The following ZNF100 variants were observed in gnomAD, a reference collection of about 807,000 sequenced individuals.
ZNF100 encodes the protein zinc finger protein 100 (Y1).
In ZNF100, 12 loss-of-function variants were observed where a neutral mutation model predicts 15.8. The observed-to-expected ratio is 0.76, with a 90% CI of 0.49 to 1.23. The LOEUF (loss-of-function observed/expected upper bound fraction) is 1.23, where lower values mean the gene tolerates loss of function less well. Among genes scored for constraint, ZNF100 ranks in the 50% most tolerant of loss-of-function variants. The pLI is 0.00. For missense variants in ZNF100, 670 were observed against 635.6 expected (o/e 1.05, Z -0.58); for synonymous variants, 226 against 214.8 (o/e 1.05, Z -0.45).
chr19:21,753,081 T>C (rs2036336697), intron 2 of ZNF100: 1 of 152,226 alleles, frequency 6.6e-6, no homozygotes, highest in Non-Finnish European at 1.5e-5. Context: ...TTAAAAGCTT[T>C]ATATTCAAAA....
intron 3 of ZNF100, 69 bp from the exon 4 acceptor site, chr19:21,744,184 T>A: frequency 7.6e-7 from 1 of 1,315,428 alleles, no homozygotes; most frequent in Non-Finnish European, 1.0e-6. Context: ...CTATGCTTAG[T>A]AAAGAGGAGG....
chr19:21,727,632 T>A lies in ZNF100; in HGVS notation c.680A>T (p.His227Leu). The change falls in exon 5 of 5, where the codon CAT (histidine) becomes CTT (leucine). Residue 227 changes from histidine (H) to leucine (L), a missense_variant. His to Leu is a moderately conservative substitution (Grantham distance 99, BLOSUM62 -3). Coordinates refer to ENST00000358296, the MANE Select transcript of ZNF100 (RefSeq NM_173531.4). ...LLHLTQHKRF[H>L]ITENSYQCKD... ...ACATTGGTAGGAATTCTCTGTAATATGAAATCTTTTATGTTGAGTTAGGTG... is the reference window on the plus strand; with the variant it reads ...ACATTGGTAGGAATTCTCTGTAATAAGAAATCTTTTATGTTGAGTTAGGTG... 2 of 1,611,922 alleles carry A rather than the reference T, an allele frequency of 1.2e-6. No homozygotes were observed. Among genetic ancestry groups the A allele is most frequent in the Non-Finnish European group, 8.5e-7 (1 of 1,179,282 alleles).
At position 21,755,726 on chromosome 19, in the gene ZNF100, T is replaced by C. The variant is rs749524919; in HGVS notation, c.96+9968A>G. Reference sequence around the variant, plus strand: ...GACTGGATAAAGAAAATGTGGTACATATAAGCCATGGAATACTATGCAGCC... The same window carrying C: ...GACTGGATAAAGAAAATGTGGTACACATAAGCCATGGAATACTATGCAGCC... On this transcript the variant is annotated intron_variant, in intron 2 of 4. Transcript: ENST00000358296. 8.5e-5 allele frequency among the ~76,000 whole-genome samples: 13 copies of C among 152,242 alleles called. No individual in the cohort carries two copies. The East Asian group carries it at 2.5e-3, about 29-fold the overall frequency.
chr19:21,765,672 T>C, intron 2 of ZNF100, 22 bp downstream of exon 2: 1 of 1,601,534 alleles, frequency 6.2e-7, no homozygotes, highest in Non-Finnish European at 8.5e-7. Context: ...GTGAAGACAA[T>C]TTTAATGTCT....
At chr19:21,756,639 G>C (rs574193996) in intron 2 of ZNF100, among the ~76,000 whole-genome samples, 63 of 152,234 alleles carry the variant, frequency 4.1e-4, no homozygotes, top group Middle Eastern at 6.8e-3. Context: ...GAAAAGATTA[G>C]CATCACTAAA....
rs537198538 is a variant in ZNF100, at chr19:21,725,413, A to C, written c.*1270T>G. 6 of 152,318 alleles carry C rather than the reference A, an allele frequency of 3.9e-5. No homozygotes were observed. Among genetic ancestry groups the C allele is most frequent in the Non-Finnish European group, 7.4e-5 (5 of 68,004 alleles). 9.4% of individuals were successfully genotyped at this position (152,318 alleles called of 1,614,324 possible). On this transcript the variant is annotated 3_prime_UTR_variant, in exon 5 of 5. Transcript: ENST00000358296. ...AAATTAAGTTTTCTCATAATGCAGA[A>C]TATTACTCTGAATGCCTAACGCACA... is the stretch of plus-strand genomic sequence containing the variant.
chr19:21,758,499 ACT>A, intron 2 of ZNF100, among the ~76,000 whole-genome samples: 1 of 152,270 alleles, frequency 6.6e-6, no homozygotes, highest in Admixed American at 6.5e-5. Context: ...GTGGCGCTGT[ACT>A]CTGATTTATT....
intron 2 of ZNF100, chr19:21,751,984 T>A (rs969962730): frequency 5.3e-5 from 20 of 376,110 alleles, no homozygotes; most frequent in Non-Finnish European, 1.5e-5. Context: ...AAATACCACC[T>A]TTCCTGCTCA....
Position 21,750,664 on chromosome 19 carries a change from G to T in ZNF100, c.97-5597C>A, listed in dbSNP as rs2036288229. The T allele has an allele frequency of 1.8e-5, 4 of 225,204 alleles. No individual in the cohort carries two copies. The Admixed American group carries it at 2.3e-4, about 13-fold the overall frequency. 14.0% of individuals were successfully genotyped at this position (225,204 alleles called of 1,614,324 possible). A position where few individuals can be genotyped will look rare whatever the true frequency, so the allele number is the denominator to read the frequency against. ...CAGCGGCAGCGCGGCGAGCGTGCAG[G>T]GAGGCCGGAGCCCTGCCCGGGGCGG... On this transcript the variant is annotated intron_variant, in intron 2 of 4. Transcript: ENST00000358296.
chr19:21,750,490 CTT>C (rs35585235), intron 2 of ZNF100: 14,218 of 152,390 alleles, frequency 0.093, 888 homozygotes, highest in South Asian at 0.18. Flanking sequence ...CATCAAAAAA[CTT>C]ATCCACCTCT....
At chr19:21,738,242 C>A (rs1177736329) in intron 4 of ZNF100, among the ~76,000 whole-genome samples, 3 of 89,942 alleles carry the variant, frequency 3.3e-5, no homozygotes, top group Non-Finnish European at 5.7e-5. Context: ...TAGAGTGACA[C>A]TATGTCAAAA....
chr19:21,765,132 C>CCT (rs1281189488), intron 2 of ZNF100, among the ~76,000 whole-genome samples: 2 of 152,180 alleles, frequency 1.3e-5, no homozygotes, highest in Non-Finnish European at 2.9e-5. Flanking sequence ...CTGAAACCCA[C>CCT]CTCTTTCATG....
rs370825345 is a variant in ZNF100 at position 21,737,685 on chromosome 19, T to G, written c.322+6332A>C. On this transcript the variant is annotated intron_variant, in intron 4 of 4. Transcript: ENST00000358296. ...CTCCCAAGACTGAACCAGGAAGAAG[T>G]TGAATCCCTGAATAGACCAACAACA... 1.6e-3 allele frequency among the ~76,000 whole-genome samples: 242 copies of G among 151,994 alleles called. 2 individuals are homozygous for G. The Middle Eastern group carries it at 0.037, about 23-fold the overall frequency.
At chr19:21,738,781 T>TA (rs1247984919) in intron 4 of ZNF100, among the ~76,000 whole-genome samples, 1 of 151,978 alleles carries the variant, frequency 6.6e-6, no homozygotes, top group African/African-American at 2.4e-5. Context: ...CCATCTCTAC[T>TA]AAAAAACTAC....
intron 3 of ZNF100, among the ~76,000 whole-genome samples, 184 bp from the exon 4 acceptor site, chr19:21,744,299 C>T (rs568034537): frequency 2.6e-5 from 4 of 152,158 alleles, no homozygotes; most frequent in Admixed American, 6.5e-5. Context: ...TTTCACTACC[C>T]GGTACTCATG....
rs2036181729 is a variant in ZNF100 at position 21,744,795 on chromosome 19, T to C, written c.223+146A>G. 4 of 1,298,874 alleles carry C rather than the reference T, an allele frequency of 3.1e-6. No individual in the cohort carries two copies. In the African/African-American group the frequency reaches 4.5e-5, roughly 15 times the overall value. 80.5% of individuals were successfully genotyped at this position (1,298,874 alleles called of 1,614,324 possible). A position where few individuals can be genotyped will look rare whatever the true frequency, so the allele number is the denominator to read the frequency against. The stretch of plus-strand genomic sequence containing the variant: ...GTCAAGATGAAACATCTTGAATACA[T>C]TCTTTTCCACACACAGCCTCAAGAT... On this transcript the variant is annotated intron_variant, in intron 3 of 4. Coordinates refer to ENST00000358296, the MANE Select transcript of ZNF100 (RefSeq NM_173531.4).
chr19:21,760,177 G>A (rs1473639880), intron 2 of ZNF100, among the ~76,000 whole-genome samples: 2 of 52,646 alleles, frequency 3.8e-5, no homozygotes, highest in Non-Finnish European at 4.5e-5. Flanking sequence ...GTGAGACTCC[G>A]TCTCAAAAAA....
At chr19:21,742,074 T>C (rs558412038) in intron 4 of ZNF100, among the ~76,000 whole-genome samples, 1 of 152,060 alleles carries the variant, frequency 6.6e-6, no homozygotes, top group South Asian at 2.1e-4. Flanking sequence ...GGCAGAGCGA[T>C]CACTTGAGGT....
intron 4 of ZNF100, among the ~76,000 whole-genome samples, chr19:21,731,997 A>T (rs1247943321): frequency 2.0e-5 from 3 of 152,196 alleles, no homozygotes; most frequent in African/African-American, 7.2e-5. Flanking sequence ...TCACATCTGT[A>T]ATCCCAGCAC....
Sources: allele counts gnomAD v4.1 joint callset (sites outside exome capture counted in the v4.1 genomes callset), GRCh38; gene constraint gnomAD v4.1.1; transcripts MANE v1.5; gene names NCBI Gene and HGNC (gene_info 2026-07-23, HGNC 2026-07-21).